The following TMED5 variants were observed in gnomAD, a reference collection of about 807,000 sequenced individuals.
TMED5 encodes the protein transmembrane p24 trafficking protein 5, also known as transmembrane emp24 domain-containing protein 5.
A neutral mutation model predicts 23.0 loss-of-function variants in TMED5; 27 were observed. The observed-to-expected ratio is 1.17, with a 90% CI of 0.86 to 1.62. TMED5 has a LOEUF of 1.62. Among genes scored for constraint, TMED5 ranks in the 40% most tolerant of loss-of-function variants. The pLI is 0.00. For missense variants in TMED5, 248 were observed against 273.7 expected, an observed-to-expected ratio of 0.91 and a Z score of 0.66; for synonymous variants, 97 against 100.8, an observed-to-expected ratio of 0.96 and a Z score of 0.23.
At chr1:93,165,303 G>T (rs935741128) in intron 1 of TMED5, among the ~76,000 whole-genome samples, 1 of 152,174 alleles carries the variant, frequency 6.6e-6, no homozygotes, top group Non-Finnish European at 1.5e-5. Context: ...TAAGAAAGGA[G>T]AGCATCAGGA....
intron 2 of TMED5, among the ~76,000 whole-genome samples, chr1:93,158,141 A>C (rs1420461145): frequency 6.6e-6 from 1 of 151,938 alleles, no homozygotes; most frequent in East Asian, 1.9e-4. Flanking sequence ...AAAAAAAAAA[A>C]AAAATTTGTA....
At chr1:93,168,618 G>C (rs867530822) in intron 1 of TMED5, among the ~76,000 whole-genome samples, 1 of 151,922 alleles carries the variant, frequency 6.6e-6, no homozygotes, top group Non-Finnish European at 1.5e-5. Context: ...GGCGGATCAC[G>C]AGGTCAGGAG....
intron 1 of TMED5, chr1:93,179,817 A>C (rs945258561): frequency 4.8e-5 from 24 of 497,738 alleles, no homozygotes; most frequent in Admixed American, 1.2e-4. Flanking sequence ...TTCCCACCGG[A>C]GGAAAGGGGA....
intron 2 of TMED5, chr1:93,158,957 T>A (rs1346430257): frequency 5.8e-6 from 3 of 521,228 alleles, no homozygotes; most frequent in Admixed American, 1.3e-4. Context: ...ATTTCTATCT[T>A]ATTTAGTAAT....
intron 1 of TMED5, among the ~76,000 whole-genome samples, chr1:93,171,075 C>T (rs1369823459): frequency 6.6e-6 from 1 of 152,194 alleles, no homozygotes; most frequent in Non-Finnish European, 1.5e-5. Context: ...TGCTGCTGCT[C>T]ACTCTTTGGG....
Position 93,180,188 on chromosome 1 carries a change from G to A in TMED5, c.55C>T (p.Pro19Ser). The change falls in exon 1 of 4, where the codon CCG (proline) becomes TCG (serine). Residue 19 changes from proline to serine, a missense_variant. Pro to Ser is a moderately conservative substitution (Grantham distance 74). Transcript: ENST00000370282. ...CCGGCCGCCCCAGGCAGCAGCACCGGAGGCAGAGCGGCCAGAAGGAGCACG... is the reference window on the plus strand; with the variant it reads ...CCGGCCGCCCCAGGCAGCAGCACCGAAGGCAGAGCGGCCAGAAGGAGCACG... Reference protein sequence around the residue: ...FPVLLLAALPPVLLPGAAGFT... With the variant: ...FPVLLLAALPSVLLPGAAGFT... 1 of 1,613,566 alleles carries A rather than the reference G, an allele frequency of 6.2e-7. No homozygotes were observed. Among genetic ancestry groups the A allele is most frequent in the Non-Finnish European group, 8.5e-7 (1 of 1,179,818 alleles).
intron 1 of TMED5, among the ~76,000 whole-genome samples, chr1:93,179,125 GC>G (rs1228703021): frequency 6.6e-6 from 1 of 152,236 alleles, no homozygotes; most frequent in Non-Finnish European, 1.5e-5. Context: ...ACTTTGGGAG[GC>G]CGAGGCGGGT....
chr1:93,156,630 C>G lies in TMED5; in HGVS notation c.288-147G>C, dbSNP rs978878931. ...TTTTGAGAGGGCAAGGCTGGTAGAT[C>G]ACTTTAGCTCAGGAGTTTGAGACCA... On this transcript the variant is annotated intron_variant, in intron 2 of 3. Transcript: ENST00000370282. The G allele has an allele frequency of 4.7e-6, 3 of 634,522 alleles. No individual in the cohort carries two copies. In the African/African-American group the frequency reaches 5.5e-5, roughly 12 times the overall value. 39.3% of individuals were successfully genotyped at this position (634,522 alleles called of 1,614,324 possible). A position where few individuals can be genotyped will look rare whatever the true frequency, so the allele number is the denominator to read the frequency against.
At chr1:93,170,121 C>G (rs1003036082) in intron 1 of TMED5, among the ~76,000 whole-genome samples, 2 of 152,240 alleles carry the variant, frequency 1.3e-5, no homozygotes, top group African/African-American at 4.8e-5. Flanking sequence ...GCTGGCAGCC[C>G]TGGCTCGCTC....
intron 1 of TMED5, among the ~76,000 whole-genome samples, chr1:93,179,732 G>A (rs1241989234): frequency 2.0e-5 from 3 of 152,270 alleles, no homozygotes; most frequent in African/African-American, 7.2e-5. Flanking sequence ...ATGAGAGCGT[G>A]TAGTGGCTAA....
At chr1:93,166,518 T>A (rs1187681960) in intron 1 of TMED5, among the ~76,000 whole-genome samples, 4 of 152,248 alleles carry the variant, frequency 2.6e-5, no homozygotes, top group African/African-American at 9.6e-5. Context: ...TGATCAATGA[T>A]GTTGAGCACA....
intron 1 of TMED5, among the ~76,000 whole-genome samples, chr1:93,164,526 A>G (rs1469903086): frequency 6.6e-6 from 1 of 152,192 alleles, no homozygotes; most frequent in Non-Finnish European, 1.5e-5. Flanking sequence ...CTCAAGTCAT[A>G]TGTGAAAAAA....
intron 1 of TMED5, among the ~76,000 whole-genome samples, chr1:93,175,202 A>ATATATATATATATATATATATATATATAT (rs1557579120): frequency 2.1e-5 from 2 of 93,726 alleles, no homozygotes; most frequent in African/African-American, 1.6e-4. Flanking sequence ...TATATATATA[A>ATATATATATATATATATATATATATATAT]ATGGACCTCA....
intron 2 of TMED5, among the ~76,000 whole-genome samples, 162 bp from the exon 3 acceptor site, chr1:93,156,645 G>GT (rs759119275): frequency 5.3e-5 from 8 of 151,936 alleles, no homozygotes; most frequent in Non-Finnish European, 1.2e-4. Flanking sequence ...TAGCTCAGGA[G>GT]TTTGAGACCA....
intron 1 of TMED5, chr1:93,179,840 T>A: frequency 1.9e-6 from 1 of 525,268 alleles, no homozygotes; most frequent in South Asian, 2.5e-5. Flanking sequence ...AGGCGGGTAG[T>A]CATCAATTCC....
intron 1 of TMED5, among the ~76,000 whole-genome samples, chr1:93,171,086 T>G (rs1324591886): frequency 1.3e-5 from 2 of 152,198 alleles, no homozygotes; most frequent in African/African-American, 2.4e-5. Flanking sequence ...ACTCTTTGGG[T>G]TCACACTGCC....
At chr1:93,177,584 CAAAAAAAAA>C (rs11322215) in intron 1 of TMED5, among the ~76,000 whole-genome samples, 4 of 44,424 alleles carry the variant, frequency 9.0e-5, no homozygotes, top group African/African-American at 3.9e-4. Context: ...GACTCTGTCT[CAAAAAAAAA>C]AAAAAAAAAA....
chr1:93,175,804 A>G (rs934509324), intron 1 of TMED5, among the ~76,000 whole-genome samples: 1 of 152,184 alleles, frequency 6.6e-6, no homozygotes, highest in African/African-American at 2.4e-5. Flanking sequence ...CACTCATTCA[A>G]TAGATACTTT....
At chr1:93,174,624 G>T (rs1648843414) in intron 1 of TMED5, among the ~76,000 whole-genome samples, 2 of 152,120 alleles carry the variant, frequency 1.3e-5, no homozygotes, top group South Asian at 4.1e-4. Flanking sequence ...TAACTTTTCT[G>T]TGCCTCTCTG....
Sources: gnomAD v4.1 joint callset for allele counts (sites outside exome capture counted in the v4.1 genomes callset) on GRCh38, gnomAD v4.1.1 for gene constraint, MANE v1.5 for transcripts, NCBI Gene and HGNC (gene_info 2026-07-23, HGNC 2026-07-21) for gene names.